The following SLC35H1 variants were observed in gnomAD, a reference collection of about 807,000 sequenced individuals.
SLC35H1 encodes the protein solute carrier family 35 member H1.
the SLC35H1 span, among the ~76,000 whole-genome samples, chr20:46,356,380 C>T: frequency 2.0e-5 from 3 of 152,288 alleles, no homozygotes; most frequent in East Asian, 5.8e-4. Context: ...CACAGCATCT[C>T]CTCTGCGCTG....
the SLC35H1 span, chr20:46,353,126 C>G: frequency 6.6e-6 from 1 of 152,224 alleles, no homozygotes; most frequent in Non-Finnish European, 1.5e-5. Flanking sequence ...CTAGGTCTTG[C>G]TAGTACAGAG....
At chr20:46,359,110 A>T in the SLC35H1 span, among the ~76,000 whole-genome samples, 1 of 152,216 alleles carries the variant, frequency 6.6e-6, no homozygotes, top group African/African-American at 2.4e-5. Context: ...CAGGCTCTCC[A>T]GGACCTGGCC....
the SLC35H1 span, among the ~76,000 whole-genome samples, chr20:46,353,355 GT>G: frequency 1.3e-5 from 2 of 152,174 alleles, no homozygotes; most frequent in East Asian, 3.8e-4. Context: ...AGGAGTCATG[GT>G]CCCTCCAACA....
chr20:46,355,215 G>C, the SLC35H1 span: 5 of 1,613,938 alleles, frequency 3.1e-6, no homozygotes, highest in East Asian at 1.1e-4. The surrounding 1 kb of genome is among the most constrained non-coding windows in gnomAD (Gnocchi z 4.8). Context: ...CGGCGATGAG[G>C]AGGACCACCA....
chr20:46,346,239 C>A, the SLC35H1 span: 73 of 152,188 alleles, frequency 4.8e-4, no homozygotes, highest in African/African-American at 1.7e-3. Flanking sequence ...TAGTTGCCAA[C>A]GAAACTAAAT....
At chr20:46,359,052 G>A in the SLC35H1 span, 28 of 412,044 alleles carry the variant, frequency 6.8e-5, no homozygotes, top group South Asian at 4.6e-4. Context: ...CCCTTCTTTC[G>A]GCTCCCATGG....
chr20:46,355,919 C>A, the SLC35H1 span: 2 of 1,610,784 alleles, frequency 1.2e-6, no homozygotes, highest in East Asian at 2.2e-5. This position sits in a 1 kb window ranked among gnomAD's most constrained non-coding sequence, Gnocchi z 4.8. Context: ...GCTCAGGGCT[C>A]AGACCCATCA....
At chr20:46,361,488 G>A in the SLC35H1 span, among the ~76,000 whole-genome samples, 8 of 152,150 alleles carry the variant, frequency 5.3e-5, no homozygotes, top group Non-Finnish European at 8.8e-5. Context: ...CAAAGAGGGC[G>A]CATGGGCCTC....
the SLC35H1 span, chr20:46,354,800 CA>C: frequency 8.0e-7 from 1 of 1,251,024 alleles, no homozygotes; most frequent in Middle Eastern, 1.9e-4. Context: ...ATAATCTCTG[CA>C]GCTACCACTG....
the SLC35H1 span, among the ~76,000 whole-genome samples, chr20:46,354,574 T>C: frequency 6.6e-6 from 1 of 152,066 alleles, no homozygotes; most frequent in Admixed American, 6.6e-5. Flanking sequence ...ACCTGCAAAA[T>C]GGGGGATAAT....
At chr20:46,356,779 C>T in the SLC35H1 span, 1 of 717,892 alleles carries the variant, frequency 1.4e-6, no homozygotes, top group South Asian at 1.8e-5. Context: ...TTCTTTTCCA[C>T]CAGCAACTAA....
At chr20:46,356,921 T>C in the SLC35H1 span, among the ~76,000 whole-genome samples, 2 of 152,186 alleles carry the variant, frequency 1.3e-5, no homozygotes, top group Admixed American at 1.3e-4. Context: ...ATTAACCTGA[T>C]CTGGTTGATC....
chr20:46,358,452 C>T, the SLC35H1 span: 2 of 1,614,214 alleles, frequency 1.2e-6, no homozygotes, highest in South Asian at 2.2e-5. Flanking sequence ...AGCACCAGCC[C>T]CAGGGTCAAC....
the SLC35H1 span, chr20:46,355,372 C>T: frequency 2.9e-6 from 3 of 1,022,110 alleles, no homozygotes; most frequent in Non-Finnish European, 4.3e-6. The surrounding 1 kb of genome is among the most constrained non-coding windows in gnomAD (Gnocchi z 4.8). Flanking sequence ...CCTTCAGCTC[C>T]ATCCCAGGGG....
At chr20:46,351,201 C>T in the SLC35H1 span, among the ~76,000 whole-genome samples, 1 of 152,222 alleles carries the variant, frequency 6.6e-6, no homozygotes, top group African/African-American at 2.4e-5. Flanking sequence ...GGATAAAGGA[C>T]GGCTGCCCCA....
the SLC35H1 span, chr20:46,355,074 G>A: frequency 1.4e-4 from 221 of 1,614,076 alleles, no homozygotes; most frequent in East Asian, 1.2e-3. This position sits in a 1 kb window ranked among gnomAD's most constrained non-coding sequence, Gnocchi z 4.8. Context: ...CGTGCTCACC[G>A]AGTTCAGCCT....
the SLC35H1 span, chr20:46,355,197 G>A: frequency 1.2e-6 from 2 of 1,613,924 alleles, no homozygotes; most frequent in African/African-American, 2.7e-5. This position sits in a 1 kb window ranked among gnomAD's most constrained non-coding sequence, Gnocchi z 4.8. Context: ...TGAACATGAA[G>A]AGACCCCCGG....
At chr20:46,359,641 C>T in the SLC35H1 span, among the ~76,000 whole-genome samples, 1 of 152,232 alleles carries the variant, frequency 6.6e-6, no homozygotes, top group African/African-American at 2.4e-5. Flanking sequence ...CTCCCAGCCT[C>T]CCTGTCAATC....
the SLC35H1 span, chr20:46,354,866 G>A: frequency 1.9e-6 from 3 of 1,578,112 alleles, no homozygotes; most frequent in Non-Finnish European, 2.6e-6. Context: ...CCCTTGAGAG[G>A]GAAGGCCCAA....
Sources: allele counts gnomAD v4.1 joint callset (sites outside exome capture counted in the v4.1 genomes callset), GRCh38; gene constraint gnomAD v4.1.1; non-coding constraint Gnocchi (gnomAD v3.1); transcripts MANE v1.5; gene names NCBI Gene and HGNC (gene_info 2026-07-23, HGNC 2026-07-21).